The following HMGB1 variants were observed in gnomAD, a reference collection of about 807,000 sequenced individuals.
The protein encoded by HMGB1 is high mobility group box 1, also known as high mobility group protein B1.
For missense variants in HMGB1, 79 were observed against 253.5 expected, an observed-to-expected ratio of 0.31 and a Z score of 4.67; for synonymous variants, 81 against 84.0, an observed-to-expected ratio of 0.96 and a Z score of 0.19.
chr13:30,609,078 G>A (rs1018498185), intron 1 of HMGB1, among the ~76,000 whole-genome samples: 4 of 152,116 alleles, frequency 2.6e-5, no homozygotes, highest in African/African-American at 7.2e-5. Context: ...TGGCTAACAC[G>A]GTGTGAAACC....
chr13:30,586,733 C>T (rs183515189), intron 1 of HMGB1, among the ~76,000 whole-genome samples: 202 of 152,100 alleles, frequency 1.3e-3, no homozygotes, highest in African/African-American at 4.7e-3. Flanking sequence ...GATCTGCCCA[C>T]CTTGGCCTCC....
intron 1 of HMGB1, chr13:30,539,635 G>C: frequency 6.3e-6 from 2 of 315,148 alleles, no homozygotes; most frequent in South Asian, 6.9e-5. Flanking sequence ...ATCCTCTGAG[G>C]GTCCTGAAAA....
At chr13:30,608,766 C>A (rs1429712809) in intron 1 of HMGB1, among the ~76,000 whole-genome samples, 1 of 152,176 alleles carries the variant, frequency 6.6e-6, no homozygotes, top group Non-Finnish European at 1.5e-5. Context: ...ATCTCAGCTA[C>A]CTTTTGAAAC....
intron 1 of HMGB1, among the ~76,000 whole-genome samples, chr13:30,592,871 T>TAAAA (rs376893348): frequency 4.3e-5 from 6 of 139,230 alleles, no homozygotes; most frequent in African/African-American, 1.5e-4. Flanking sequence ...TGCTTTTTTT[T>TAAAA]AAAAAAAAAA....
At chr13:30,498,079 T>C (rs1316548666) in intron 1 of HMGB1, among the ~76,000 whole-genome samples, 4 of 152,194 alleles carry the variant, frequency 2.6e-5, no homozygotes, top group Non-Finnish European at 5.9e-5. Context: ...CTACCAGCAG[T>C]GTGTAAGCAT....
chr13:30,606,145 T>A (rs553529545), intron 1 of HMGB1, among the ~76,000 whole-genome samples: 3 of 152,338 alleles, frequency 2.0e-5, no homozygotes, highest in African/African-American at 7.2e-5. Context: ...TCCTATAGAA[T>A]AAATTTGACT....
intron 1 of HMGB1, chr13:30,465,300 CCGCCCGGCTGGCCGCGCTCCCCGCCAG>C (rs1886705781): frequency 1.4e-5 from 2 of 141,356 alleles, no homozygotes; most frequent in Non-Finnish European, 3.1e-5. Context: ...GCCCCGCCGC[CCGCCCGGCTGGCCGCGCTCCCCGCCAG>C]CGCCCGGCTC....
chr13:30,496,767 A>G (rs1887617415), intron 1 of HMGB1, among the ~76,000 whole-genome samples: 1 of 152,182 alleles, frequency 6.6e-6, no homozygotes, highest in Non-Finnish European at 1.5e-5. Context: ...ATTTAAGAGG[A>G]TAAGACTCAG....
intron 1 of HMGB1, among the ~76,000 whole-genome samples, chr13:30,525,159 G>C (rs1461710494): frequency 2.0e-5 from 3 of 152,160 alleles, no homozygotes; most frequent in African/African-American, 7.2e-5. Flanking sequence ...AAACCTCAGA[G>C]AGTAGGTGGA....
intron 1 of HMGB1, among the ~76,000 whole-genome samples, chr13:30,538,629 C>CTTTCTT (rs1566019035): frequency 1.3e-5 from 1 of 77,178 alleles, no homozygotes; most frequent in African/African-American, 6.0e-5. Flanking sequence ...CTCTCTCTTT[C>CTTTCTT]TTTTTCTTTC....
chr13:30,464,668 G>T lies in HMGB1; in HGVS notation c.-14-974C>A, dbSNP rs1380852394. The stretch of plus-strand genomic sequence containing the variant: ...GCTGGCTCCGCCCGCGGCCGCCGGG[G>T]CCGGCGCGCACGGAATGGCCGCTGC... On this transcript the variant is annotated intron_variant, in intron 1 of 4. Coordinates refer to ENST00000341423, the MANE Select transcript of HMGB1 (RefSeq NM_002128.7). 8.1e-6 allele frequency: 8 copies of T among 981,700 alleles called. No individual in the cohort carries two copies. In the African/African-American group the frequency reaches 1.4e-4, roughly 17 times the overall value. 60.8% of individuals were successfully genotyped at this position (981,700 alleles called of 1,614,324 possible).
At chr13:30,532,395 T>C (rs1391455640) in intron 1 of HMGB1, among the ~76,000 whole-genome samples, 1 of 151,688 alleles carries the variant, frequency 6.6e-6, no homozygotes, top group African/African-American at 2.4e-5. Flanking sequence ...CACTAAGCAG[T>C]GACGCAGATA....
At chr13:30,477,313 T>G (rs1566000028) in intron 1 of HMGB1, among the ~76,000 whole-genome samples, 1 of 152,146 alleles carries the variant, frequency 6.6e-6, no homozygotes, top group Admixed American at 6.5e-5. Flanking sequence ...TAAATTTACT[T>G]CCCAATCCAT....
Position 30,564,567 on chromosome 13 carries a change from T to C in HMGB1, c.-15+52104A>G, listed in dbSNP as rs559536030. On this transcript the variant is annotated intron_variant, in intron 1 of 4. Coordinates refer to the HMGB1 transcript ENST00000405805. Reference sequence around the variant, plus strand: ...ACTGTTGGAAGTAAATTTTAGAAGGTTTATAATACCTAAAAGTAATCACTT... The same window carrying C: ...ACTGTTGGAAGTAAATTTTAGAAGGCTTATAATACCTAAAAGTAATCACTT... Among the ~76,000 whole-genome samples the C allele has an allele frequency of 1.6e-4, 24 of 152,322 alleles. No homozygotes were observed. The East Asian group carries it at 4.6e-3, about 29-fold the overall frequency.
intron 1 of HMGB1, among the ~76,000 whole-genome samples, chr13:30,578,365 G>GTTTTTTTTT (rs1475312645): frequency 1.5e-5 from 1 of 67,072 alleles, no homozygotes; most frequent in African/African-American, 5.7e-5. Context: ...ACCAGTTCTT[G>GTTTTTTTTT]TTCTTTTTTT....
intron 1 of HMGB1, among the ~76,000 whole-genome samples, chr13:30,613,784 G>GTAGACA (rs1245991573): frequency 6.6e-6 from 1 of 152,052 alleles, no homozygotes; most frequent in East Asian, 1.9e-4. Context: ...ATAAGTCAAA[G>GTAGACA]TAGACAGGAC....
At chr13:30,485,860 G>C (rs946778305) in intron 1 of HMGB1, among the ~76,000 whole-genome samples, 1 of 152,130 alleles carries the variant, frequency 6.6e-6, no homozygotes, top group African/African-American at 2.4e-5. Flanking sequence ...AAGATTTATG[G>C]AATTTTAGAA....
At chr13:30,472,612 AAAC>A (rs1274130676) in intron 1 of HMGB1, among the ~76,000 whole-genome samples, 1 of 134,428 alleles carries the variant, frequency 7.4e-6, no homozygotes, top group African/African-American at 2.8e-5. Context: ...AAACAAAACA[AAAC>A]AATACAGAAA....
At chr13:30,498,692 C>T (rs1047034375) in intron 1 of HMGB1, among the ~76,000 whole-genome samples, 3 of 150,566 alleles carry the variant, frequency 2.0e-5, no homozygotes, top group African/African-American at 4.9e-5. Context: ...TTGTGGCCCA[C>T]GCTGGAGTGC....
Sources: allele counts gnomAD v4.1 joint callset (sites outside exome capture counted in the v4.1 genomes callset), GRCh38; gene constraint gnomAD v4.1.1; transcripts MANE v1.5; gene names NCBI Gene and HGNC (gene_info 2026-07-23, HGNC 2026-07-21).